The following FBH1 variants were observed in gnomAD, a reference collection of about 807,000 sequenced individuals.
The protein encoded by FBH1 is DNA 3'-5' helicase 1.
A neutral mutation model predicts 115.5 loss-of-function variants in FBH1; 43 were observed. That is an observed-to-expected ratio of 0.37 (90% CI 0.29 to 0.48). FBH1 has a LOEUF of 0.48. Among genes scored for constraint, FBH1 ranks in the 20% least tolerant of loss-of-function variants. FBH1 has a pLI of 0.99. For missense variants in FBH1, 1,001 were observed against 1,337.3 expected (o/e 0.75, Z 3.92); for synonymous variants, 524 against 507.8 (o/e 1.03, Z -0.43).
intron 3 of FBH1, among the ~76,000 whole-genome samples, chr10:5,907,266 A>G (rs641034): frequency 0.91 from 139,183 of 152,220 alleles, 63,720 homozygotes; most frequent in African/African-American, 0.96. Context: ...TGTCTGGCCC[A>G]TTTTTTGTTT....
At position 5,921,397 on chromosome 10, in the gene FBH1, G is replaced by A; in HGVS notation, c.2200+40G>A. The A allele has an allele frequency of 6.2e-7, 1 of 1,610,678 alleles. No homozygotes were observed. Among genetic ancestry groups the A allele is most frequent in the Non-Finnish European group, 8.5e-7 (1 of 1,179,170 alleles). ...TACTCTTCTCTTTTGTGTTACAAAA[G>A]TTTTCCTCTTTATTTCAATTTGCCA... is the stretch of plus-strand genomic sequence containing the variant. On this transcript the variant is annotated intron_variant, in intron 14 of 20. Transcript: ENST00000362091. The surrounding 1 kb of genome is among the most constrained non-coding windows in gnomAD (Gnocchi z 6.4).
In FBH1 at chr10:5,924,711, G is replaced by T. The variant is rs1217275138; in HGVS notation, c.2596+203G>T. On this transcript the variant is annotated intron_variant, in intron 17 of 20. Transcript: ENST00000362091. The surrounding 1 kb of genome is among the most constrained non-coding windows in gnomAD (Gnocchi z 6.2). The stretch of plus-strand genomic sequence containing the variant: ...GCCTCGTGAGTAGCTGGGACTACAG[G>T]CCCCACCACCAGCCCGGCTAGTTTG... The T allele has an allele frequency of 1.6e-6, 1 of 633,768 alleles. No individual in the cohort carries two copies. Among genetic ancestry groups the T allele is most frequent in the Non-Finnish European group, 2.9e-6 (1 of 345,988 alleles). 39.3% of individuals were successfully genotyped at this position (633,768 alleles called of 1,614,324 possible). A position where few individuals can be genotyped will look rare whatever the true frequency, so the allele number is the denominator to read the frequency against.
chr10:5,933,345 G>A lies in FBH1; in HGVS notation c.2830-3111G>A, dbSNP rs1833077396. ...AGAGGTTGCAGTAGGCTGAAATCGT[G>A]CCACTGCACTCCAGTGTGGGCAACA... On this transcript the variant is annotated intron_variant, in intron 19 of 20. Coordinates refer to ENST00000362091, the MANE Select transcript of FBH1 (RefSeq NM_178150.3). This position sits in a 1 kb window ranked among gnomAD's most constrained non-coding sequence, Gnocchi z 4.9. Among the ~76,000 whole-genome samples, 1 of 152,188 alleles carries A rather than the reference G, an allele frequency of 6.6e-6. No homozygotes were observed. Among genetic ancestry groups the A allele is most frequent in the Admixed American group, 6.5e-5 (1 of 15,280 alleles).
At chr10:5,894,582 A>G in intron 1 of FBH1, 1 of 785,316 alleles carries the variant, frequency 1.3e-6, no homozygotes, top group East Asian at 2.4e-5. Flanking sequence ...AGACGAGAAT[A>G]TAGGAAAGAA....
At position 5,894,019 on chromosome 10, in the gene FBH1, T is replaced by C. The variant is rs970556644; in HGVS notation, c.1+3673T>C. 3.0e-6 allele frequency: 3 copies of C among 985,324 alleles called. No individual in the cohort carries two copies. In the African/African-American group the frequency reaches 5.2e-5, roughly 17 times the overall value. 61.0% of individuals were successfully genotyped at this position (985,324 alleles called of 1,614,324 possible). A position where few individuals can be genotyped will look rare whatever the true frequency, so the allele number is the denominator to read the frequency against. On this transcript the variant is annotated intron_variant, in intron 1 of 20. Transcript: ENST00000362091. Reference sequence around the variant, plus strand: ...AAGCCCAGCCCATCCTTGTTGGCTGTCATACACGAGTGCTGTCTCCAAGGG... The same window carrying C: ...AAGCCCAGCCCATCCTTGTTGGCTGCCATACACGAGTGCTGTCTCCAAGGG...
chr10:5,910,072 A>G lies in FBH1; in HGVS notation c.1020+778A>G, dbSNP rs1355212068. ...CAAGGCGGGTGGATCACCTGAGGTC[A>G]GGAGTTCGAGACCAGCCTGGCCAAC... is the stretch of plus-strand genomic sequence containing the variant. On this transcript the variant is annotated intron_variant, in intron 5 of 20. Transcript: ENST00000362091. The surrounding 1 kb of genome is among the most constrained non-coding windows in gnomAD (Gnocchi z 4.8). Among the ~76,000 whole-genome samples the G allele has an allele frequency of 6.6e-6, 1 of 152,224 alleles. No homozygotes were observed. The highest frequency in any genetic ancestry group is 2.4e-5 in the African/African-American group (1 of 41,460).
rs1843724163 is a variant in FBH1 at position 5,906,853 on chromosome 10, A to G, written c.753+221A>G. Among the ~76,000 whole-genome samples the G allele has an allele frequency of 6.6e-6, 1 of 151,974 alleles. No individual in the cohort carries two copies. The highest frequency in any genetic ancestry group is 1.5e-5 in the Non-Finnish European group (1 of 68,002). On this transcript the variant is annotated intron_variant, in intron 3 of 20. Transcript: ENST00000362091. This position sits in a 1 kb window ranked among gnomAD's most constrained non-coding sequence, Gnocchi z 7.3. ...AACACAGCTTCCCTGAGTTCTGTCTACAGCTCATCTGCTGTGCCCTGACCA... is the reference window on the plus strand; with the variant it reads ...AACACAGCTTCCCTGAGTTCTGTCTGCAGCTCATCTGCTGTGCCCTGACCA...
rs768814356 is a variant in FBH1, at chr10:5,914,230, A to G, written c.1357A>G (p.Met453Val). The G allele has an allele frequency of 3.1e-6, 5 of 1,614,142 alleles. No individual in the cohort carries two copies. The highest frequency in any genetic ancestry group is 1.3e-5 in the African/African-American group (1 of 74,950). The change falls in exon 8 of 21, where the codon ATG becomes GTG. Residue 453 changes from methionine to valine, a missense_variant. Met to Val is a conservative substitution (Grantham distance 21). Transcript: ENST00000362091. The surrounding 1 kb of genome is among the most constrained non-coding windows in gnomAD (Gnocchi z 5.2). ...HEQQLILNHK[M>V]EPLQVVKIMA... ...ACAACAGCTGATTCTGAATCACAAG[A>G]TGGAACCTCTCCAGGTGGTGAAAAT... is the stretch of plus-strand genomic sequence containing the variant.
rs1156383595 is a variant in FBH1 at position 5,933,507 on chromosome 10, A to G, written c.2830-2949A>G. 2.0e-5 allele frequency among the ~76,000 whole-genome samples: 3 copies of G among 152,222 alleles called. No individual in the cohort carries two copies. The highest frequency in any genetic ancestry group is 4.4e-5 in the Non-Finnish European group (3 of 68,042). ...AAAAGAATACAGAATCTAGAGAAAT[A>G]CTTCCCCATTACTGAGACTGGGGTG... On this transcript the variant is annotated intron_variant, in intron 19 of 20. Coordinates refer to ENST00000362091, the MANE Select transcript of FBH1 (RefSeq NM_178150.3). The surrounding 1 kb of genome is among the most constrained non-coding windows in gnomAD (Gnocchi z 4.9).
intron 18 of FBH1, 53 bp from the exon 19 acceptor site, chr10:5,927,382 G>A: frequency 7.3e-7 from 1 of 1,371,676 alleles, no homozygotes; most frequent in Non-Finnish European, 1.0e-6. Context: ...ATAAGGTTTT[G>A]TAAGCTTTTC....
At position 5,924,632 on chromosome 10, in the gene FBH1, A is replaced by G; in HGVS notation, c.2596+124A>G. 2 of 984,336 alleles carry G rather than the reference A, an allele frequency of 2.0e-6. No individual in the cohort carries two copies. Among genetic ancestry groups the G allele is most frequent in the South Asian group, 1.4e-5 (1 of 69,068 alleles). The allele number at this position is 984,336 out of a possible 1,614,324, so 61.0% of individuals were successfully genotyped here. A position where few individuals can be genotyped will look rare whatever the true frequency, so the allele number is the denominator to read the frequency against. On this transcript the variant is annotated intron_variant, in intron 17 of 20. Coordinates refer to ENST00000362091, the MANE Select transcript of FBH1 (RefSeq NM_178150.3). This position sits in a 1 kb window ranked among gnomAD's most constrained non-coding sequence, Gnocchi z 6.2. Reference sequence around the variant, plus strand: ...GCCCAGGCTGGAGTGCAGTGGCGTGATCTTGGCTCACTGCAATGCCCACCT... The same window carrying G: ...GCCCAGGCTGGAGTGCAGTGGCGTGGTCTTGGCTCACTGCAATGCCCACCT...
Position 5,903,073 on chromosome 10 carries a change from C to G in FBH1, c.55C>G (p.Arg19Gly). Reference protein sequence around the residue: ...LTAIDCQHLARSHLAVTQPFG... With the variant: ...LTAIDCQHLAGSHLAVTQPFG... Reference sequence around the variant, plus strand: ...TGCCATTGACTGCCAGCATTTGGCTCGGAGTCACTTGGCTGTGACCCAGCC... The same window carrying G: ...TGCCATTGACTGCCAGCATTTGGCTGGGAGTCACTTGGCTGTGACCCAGCC... The change falls in exon 2 of 21, where the codon CGG becomes GGG. Residue 19 changes from arginine to glycine, a missense_variant. This residue lies in a region of FBH1 where 420 missense variants were observed against 430.4 expected (regional missense o/e 0.98). Transcript: ENST00000362091. 6.2e-7 allele frequency: 1 copy of G among 1,613,680 alleles called. No homozygotes were observed. The highest frequency in any genetic ancestry group is 1.1e-5 in the South Asian group (1 of 90,978).
At chr10:5,916,142 A>G in intron 9 of FBH1, 92 bp from the exon 10 acceptor site, 1 of 1,122,040 alleles carries the variant, frequency 8.9e-7, no homozygotes, top group South Asian at 1.4e-5. Context: ...ACTTGAAGCT[A>G]CCTCCTGGTG....
At position 5,913,897 on chromosome 10, in the gene FBH1, TAAG is replaced by T. The variant is rs1004299644; in HGVS notation, c.1304+59_1304+61del. The T allele has an allele frequency of 1.1e-4, 148 of 1,298,752 alleles. No homozygotes were observed. Among genetic ancestry groups the T allele is most frequent in the African/African-American group, 1.5e-4 (10 of 67,062 alleles). 80.5% of individuals were successfully genotyped at this position (1,298,752 alleles called of 1,614,324 possible). Reference sequence around the variant, plus strand: ...TCTTCTGTCGACTCTTCCTCATACTTAAGGAGGGAGATGTTTTGCTTCACTTTA... The same window carrying T: ...TCTTCTGTCGACTCTTCCTCATACTTGAGGGAGATGTTTTGCTTCACTTTA... On this transcript the variant is annotated intron_variant, in intron 7 of 20. Coordinates refer to ENST00000362091, the MANE Select transcript of FBH1 (RefSeq NM_178150.3). This position sits in a 1 kb window ranked among gnomAD's most constrained non-coding sequence, Gnocchi z 4.4.
Position 5,909,102 on chromosome 10 carries a change from TGTACA to T in FBH1, c.884+48_884+52del. The T allele has an allele frequency of 6.2e-7, 1 of 1,613,722 alleles. No homozygotes were observed. The highest frequency in any genetic ancestry group is 8.5e-7 in the Non-Finnish European group (1 of 1,179,928). On this transcript the variant is annotated intron_variant, in intron 4 of 20. Transcript: ENST00000362091. This position sits in a 1 kb window ranked among gnomAD's most constrained non-coding sequence, Gnocchi z 4.4. ...AAGAAGGCGTCTTTGAAGTCTTCCT[TGTACA>T]TCAGTGCTTATGGTCACCCTACTCA...
In FBH1 at chr10:5,895,287, T is replaced by C. The variant is rs775465331; in HGVS notation, c.1+4941T>C. 7.3e-7 allele frequency: 1 copy of C among 1,369,190 alleles called. No homozygotes were observed. The highest frequency in any genetic ancestry group is 9.8e-7 in the Non-Finnish European group (1 of 1,016,852). 84.8% of individuals were successfully genotyped at this position (1,369,190 alleles called of 1,614,324 possible). On this transcript the variant is annotated intron_variant, in intron 1 of 20. Transcript: ENST00000362091. This position sits in a 1 kb window ranked among gnomAD's most constrained non-coding sequence, Gnocchi z 5.0. ...TGTGGATCTTTGTTAAAGTTGGGTATGGTATTGTAGCAGTTTCTCCAGTCA... is the reference window on the plus strand; with the variant it reads ...TGTGGATCTTTGTTAAAGTTGGGTACGGTATTGTAGCAGTTTCTCCAGTCA...
intron 1 of FBH1, among the ~76,000 whole-genome samples, chr10:5,899,308 T>C (rs557420598): frequency 1.3e-5 from 2 of 152,302 alleles, no homozygotes; most frequent in Admixed American, 1.3e-4. Flanking sequence ...ATTTTTTGTT[T>C]TGTTTGTTTT....
At chr10:5,905,116 AAC>A (rs1473632897) in intron 2 of FBH1, 1 of 152,262 alleles carries the variant, frequency 6.6e-6, no homozygotes, top group Non-Finnish European at 1.5e-5. Flanking sequence ...ATGTTCACTG[AAC>A]AAACATGTAG....
chr10:5,911,498 A>T lies in FBH1; in HGVS notation c.1211+370A>T, dbSNP rs1365889822. Among the ~76,000 whole-genome samples, 1 of 152,204 alleles carries T rather than the reference A, an allele frequency of 6.6e-6. No individual in the cohort carries two copies. Among genetic ancestry groups the T allele is most frequent in the Non-Finnish European group, 1.5e-5 (1 of 68,024 alleles). ...CCTCCATATCCCACTTGTGGGATGG[A>T]AAAGACTCATCCACCTTATCCTCCA... On this transcript the variant is annotated intron_variant, in intron 6 of 20. Transcript: ENST00000362091. This position sits in a 1 kb window ranked among gnomAD's most constrained non-coding sequence, Gnocchi z 5.4.
Sources: gnomAD v4.1 joint callset for allele counts (sites outside exome capture counted in the v4.1 genomes callset) on GRCh38, gnomAD v4.1.1 for gene constraint, gnomAD v4.1.1 regional missense constraint, Gnocchi (gnomAD v3.1) non-coding constraint, MANE v1.5 for transcripts, NCBI Gene and HGNC (gene_info 2026-07-23, HGNC 2026-07-21) for gene names.